DPP10: variants seen among roughly 807,000 people sequenced by gnomAD.
DPP10 encodes the protein inactive dipeptidyl peptidase 10.
In DPP10, 33 loss-of-function variants were observed where a neutral mutation model predicts 120.9. The observed-to-expected ratio is 0.27, with a 90% CI of 0.21 to 0.37. DPP10 has a LOEUF of 0.37. DPP10 is among the 10% of genes least tolerant of loss of function. The pLI is 1.00. For missense variants in DPP10, 816 were observed against 942.8 expected (o/e 0.87, Z 1.76); for synonymous variants, 337 against 326.1 (o/e 1.03, Z -0.36).
chr2:115,326,658 T>C (rs572393632), intron 2 of DPP10, among the ~76,000 whole-genome samples: 1 of 152,168 alleles, frequency 6.6e-6, no homozygotes, highest in Non-Finnish European at 1.5e-5. Flanking sequence ...GTGATATTGA[T>C]GATACTGACC....
intron 5 of DPP10, among the ~76,000 whole-genome samples, chr2:115,584,763 G>A (rs2082189941): frequency 1.3e-5 from 2 of 152,128 alleles, no homozygotes; most frequent in Admixed American, 6.5e-5. Context: ...CTGAGCCATG[G>A]CATCTAGTGG....
chr2:115,472,041 A>G, intron 3 of DPP10, among the ~76,000 whole-genome samples: 1 of 152,182 alleles, frequency 6.6e-6, no homozygotes. Context: ...TTGTTAAACC[A>G]TAAAATTAAA....
chr2:115,782,824 T>A (rs1305928996), intron 17 of DPP10, among the ~76,000 whole-genome samples: 2 of 152,130 alleles, frequency 1.3e-5, no homozygotes, highest in African/African-American at 4.8e-5. Flanking sequence ...GTTCCAGATA[T>A]CCAGGTTCTT....
At chr2:114,495,775 T>G (rs979985781) in intron 1 of DPP10, among the ~76,000 whole-genome samples, 2 of 152,174 alleles carry the variant, frequency 1.3e-5, no homozygotes, top group African/African-American at 4.8e-5. Context: ...GCAAAGAAGC[T>G]TCTTGAGTGT....
chr2:115,437,119 A>G (rs1487055943), intron 3 of DPP10, among the ~76,000 whole-genome samples: 1 of 151,952 alleles, frequency 6.6e-6, no homozygotes, highest in East Asian at 1.9e-4. Flanking sequence ...GACTTCCAAA[A>G]TCCTCTAATC....
intron 5 of DPP10, among the ~76,000 whole-genome samples, chr2:115,640,730 C>T (rs1007784766): frequency 2.0e-5 from 3 of 152,078 alleles, no homozygotes; most frequent in South Asian, 2.1e-4. Context: ...TGCTGGGAAG[C>T]TTTACGAGAT....
At chr2:115,233,616 G>C (rs755772497) in intron 1 of DPP10, among the ~76,000 whole-genome samples, 3 of 152,114 alleles carry the variant, frequency 2.0e-5, no homozygotes, top group Non-Finnish European at 2.9e-5. Context: ...GGGATCCATT[G>C]GATAGTTTTT....
chr2:114,487,462 T>A (rs1233996974), intron 1 of DPP10, among the ~76,000 whole-genome samples: 1 of 152,156 alleles, frequency 6.6e-6, no homozygotes, highest in Admixed American at 6.6e-5. Flanking sequence ...CAAGTAAAAA[T>A]TAAATCTGTT....
At chr2:115,443,703 A>G (rs985638516) in intron 3 of DPP10, among the ~76,000 whole-genome samples, 8 of 152,168 alleles carry the variant, frequency 5.3e-5, no homozygotes, top group Non-Finnish European at 1.0e-4. Context: ...TCTAGGCTCC[A>G]CCCAAGACAT....
Position 114,512,066 on chromosome 2 carries a change from G to T in DPP10, c.60+69228G>T, listed in dbSNP as rs574389042. Among the ~76,000 whole-genome samples, 4 of 152,276 alleles carry T rather than the reference G, an allele frequency of 2.6e-5. No individual in the cohort carries two copies. In the South Asian group the frequency reaches 6.2e-4, roughly 24 times the overall value. ...TTACTCTGATGAAATTGTTGTCTTT[G>T]AACATAGCAATGAAGAGTTATTTTT... On this transcript the variant is annotated intron_variant, in intron 1 of 25. Transcript: ENST00000410059.
At chr2:115,108,362 T>C (rs1363533903) in intron 1 of DPP10, among the ~76,000 whole-genome samples, 5 of 152,194 alleles carry the variant, frequency 3.3e-5, no homozygotes, top group Non-Finnish European at 7.4e-5. Flanking sequence ...TTTGAAAGCC[T>C]ACGCCCCACG....
rs376874647 is a variant in DPP10, at chr2:115,585,633, G to A, written c.441+59661G>A. ...AAGATACCATACAGTCAAGTAGCTT[G>A]TCCACAGTTATGTGAGCTTTTCTAT... On this transcript the variant is annotated intron_variant, in intron 5 of 25. Coordinates refer to ENST00000410059, the MANE Select transcript of DPP10 (RefSeq NM_020868.6). Among the ~76,000 whole-genome samples the A allele has an allele frequency of 2.6e-5, 4 of 152,156 alleles. No individual in the cohort carries two copies. The East Asian group carries it at 7.8e-4, about 29-fold the overall frequency.
rs1703931504 is a variant in DPP10 at position 115,032,805 on chromosome 2, A to T, written c.61-276434A>T. Among the ~76,000 whole-genome samples, 3 of 151,910 alleles carry T rather than the reference A, an allele frequency of 2.0e-5. No individual in the cohort carries two copies. In the South Asian group the frequency reaches 6.2e-4, roughly 32 times the overall value. On this transcript the variant is annotated intron_variant, in intron 1 of 25. Coordinates refer to ENST00000410059, the MANE Select transcript of DPP10 (RefSeq NM_020868.6). The stretch of plus-strand genomic sequence containing the variant: ...GAGGCTGAGGCAGGAGGATCACTTA[A>T]ACACGGGAGGCAGAGGTTGCAATGA...
chr2:114,676,637 A>G (rs1302813345), intron 1 of DPP10, among the ~76,000 whole-genome samples: 1 of 152,140 alleles, frequency 6.6e-6, no homozygotes, highest in Non-Finnish European at 1.5e-5. Flanking sequence ...TCCGATTCAT[A>G]TGACTGGAAC....
chr2:115,486,747 T>C (rs1021468930), intron 3 of DPP10, among the ~76,000 whole-genome samples: 1 of 152,182 alleles, frequency 6.6e-6, no homozygotes, highest in Non-Finnish European at 1.5e-5. Flanking sequence ...AGAGAGATTT[T>C]ATTTTCCTCT....
intron 5 of DPP10, among the ~76,000 whole-genome samples, chr2:115,599,871 T>G (rs1287656919): frequency 6.6e-6 from 1 of 152,164 alleles, no homozygotes; most frequent in East Asian, 1.9e-4. Flanking sequence ...TTTGTAATTT[T>G]TAGTTGTAAG....
At chr2:115,198,277 TAACACC>T (rs2055433357) in intron 1 of DPP10, among the ~76,000 whole-genome samples, 1 of 152,198 alleles carries the variant, frequency 6.6e-6, no homozygotes, top group African/African-American at 2.4e-5. Flanking sequence ...TAATAGGTCG[TAACACC>T]CTGGTACTTT....
At chr2:115,359,258 G>A (rs896451274) in intron 3 of DPP10, among the ~76,000 whole-genome samples, 1 of 152,096 alleles carries the variant, frequency 6.6e-6, no homozygotes, top group East Asian at 1.9e-4. Context: ...ATGTTTTTGT[G>A]GAGGCAGGTA....
intron 9 of DPP10, 107 bp downstream of exon 9, chr2:115,740,000 A>T: frequency 7.9e-7 from 1 of 1,261,660 alleles, no homozygotes; most frequent in East Asian, 2.3e-5. Flanking sequence ...GGAAAACAGA[A>T]GTTTTCCTTA....
Sources: allele counts gnomAD v4.1 joint callset (sites outside exome capture counted in the v4.1 genomes callset), GRCh38; gene constraint gnomAD v4.1.1; transcripts MANE v1.5; gene names NCBI Gene and HGNC (gene_info 2026-07-23, HGNC 2026-07-21).